The following ADGRL4 variants were observed in gnomAD, a reference collection of about 807,000 sequenced individuals.
ADGRL4 encodes the protein adhesion G protein-coupled receptor L4, also known as EGF, latrophilin and seven transmembrane domain containing 1.
Under a neutral mutation model 74.8 loss-of-function variants are expected in ADGRL4, and 90 were observed. That is an observed-to-expected ratio of 1.20 (90% CI 1.02 to 1.43). ADGRL4 has a LOEUF of 1.43. ADGRL4 is among the 40% of genes most tolerant of loss of function. ADGRL4 has a pLI of 0.00. For missense variants in ADGRL4, 881 were observed against 814.3 expected, an observed-to-expected ratio of 1.08 and a Z score of -1.00; for synonymous variants, 311 against 279.2, an observed-to-expected ratio of 1.11 and a Z score of -1.14.
intron 2 of ADGRL4, among the ~76,000 whole-genome samples, chr1:78,974,021 G>A (rs993786197): frequency 3.3e-5 from 5 of 152,038 alleles, no homozygotes; most frequent in Admixed American, 2.6e-4. Context: ...CACTGCATGT[G>A]TGCAAGAGCA....
intron 12 of ADGRL4, among the ~76,000 whole-genome samples, chr1:78,916,538 G>T (rs1292093502): frequency 6.6e-6 from 1 of 151,808 alleles, no homozygotes; most frequent in Admixed American, 6.6e-5. Flanking sequence ...ATAAAATATT[G>T]TTTGATTTAT....
At chr1:78,965,867 G>A (rs1024877941) in intron 2 of ADGRL4, among the ~76,000 whole-genome samples, 6 of 152,042 alleles carry the variant, frequency 3.9e-5, no homozygotes, top group Admixed American at 3.3e-4. Flanking sequence ...TCTGACAGCT[G>A]AGCTGACACT....
intron 3 of ADGRL4, among the ~76,000 whole-genome samples, chr1:78,940,565 A>G (rs1256156477): frequency 6.6e-6 from 1 of 152,170 alleles, no homozygotes; most frequent in African/African-American, 2.4e-5. Context: ...AAAAGATTCT[A>G]AGGAACTGAG....
At chr1:78,996,906 A>G (rs544830544) in intron 2 of ADGRL4, among the ~76,000 whole-genome samples, 1 of 152,304 alleles carries the variant, frequency 6.6e-6, no homozygotes, top group Admixed American at 6.5e-5. Flanking sequence ...TAAACACACA[A>G]CACAGGGAAG....
intron 7 of ADGRL4, among the ~76,000 whole-genome samples, chr1:78,935,217 T>C (rs1570239740): frequency 6.6e-6 from 1 of 152,180 alleles, no homozygotes; most frequent in Admixed American, 6.5e-5. Context: ...TGAAAAACTA[T>C]GCAGCCATAA....
At chr1:78,947,482 C>G (rs756895682) in intron 2 of ADGRL4, among the ~76,000 whole-genome samples, 1 of 152,122 alleles carries the variant, frequency 6.6e-6, no homozygotes. Context: ...CTTCCCTAGA[C>G]GTTTTCACGT....
intron 2 of ADGRL4, among the ~76,000 whole-genome samples, chr1:78,996,526 T>C (rs945395314): frequency 2.0e-5 from 3 of 152,182 alleles, no homozygotes; most frequent in Non-Finnish European, 2.9e-5. Context: ...TGGTCTTCTG[T>C]GGTTTCTTTT....
intron 2 of ADGRL4, among the ~76,000 whole-genome samples, chr1:78,969,083 T>C (rs1650116771): frequency 6.6e-6 from 1 of 152,212 alleles, no homozygotes; most frequent in Admixed American, 6.5e-5. Context: ...GGGATTTATT[T>C]TGAACTATTT....
At chr1:78,957,896 AT>A in intron 2 of ADGRL4, among the ~76,000 whole-genome samples, 1 of 152,186 alleles carries the variant, frequency 6.6e-6, no homozygotes, top group African/African-American at 2.4e-5. Context: ...GCACAGGCTG[AT>A]GCTCTTGTTA....
At chr1:79,002,110 C>T (rs1233252830) in intron 2 of ADGRL4, among the ~76,000 whole-genome samples, 5 of 151,980 alleles carry the variant, frequency 3.3e-5, no homozygotes, top group Admixed American at 3.3e-4. Flanking sequence ...TTCCACTTAA[C>T]GTTAATTCCG....
intron 2 of ADGRL4, among the ~76,000 whole-genome samples, chr1:78,998,997 A>G (rs1203738889): frequency 1.3e-5 from 2 of 152,308 alleles, no homozygotes; most frequent in South Asian, 2.1e-4. Context: ...ACATCAATAT[A>G]TAATTTTTTT....
At chr1:78,977,921 C>G (rs1650320499) in intron 2 of ADGRL4, among the ~76,000 whole-genome samples, 2 of 151,778 alleles carry the variant, frequency 1.3e-5, no homozygotes, top group South Asian at 2.1e-4. Flanking sequence ...GCCAGTAGAC[C>G]AGAAAAGACA....
chr1:78,946,312 T>G lies in ADGRL4; in HGVS notation c.287A>C (p.Gln96Pro). 2 of 1,613,202 alleles carry G rather than the reference T, an allele frequency of 1.2e-6. No homozygotes were observed. The highest frequency in any genetic ancestry group is 2.2e-5 in the South Asian group (2 of 90,958). Reference protein sequence around the residue: ...CVPGFRSSSNQDRFITNDGTV... With the variant: ...CVPGFRSSSNPDRFITNDGTV... ...TCCATCATTAGTGATAAACCTGTCT[T>G]GGTTACTGCTGGATCTGAAGCCAGG... Residue 96 changes from glutamine to proline, a missense_variant, in exon 3 of 15, where the codon CAA (glutamine) becomes CCA (proline). Gln to Pro is a moderately conservative substitution (Grantham distance 76). Transcript: ENST00000370742.
chr1:78,938,291 T>C lies in ADGRL4; in HGVS notation c.397-12A>G. The stretch of plus-strand genomic sequence containing the variant: ...TTTATGGATCTGATCTGAGAAAAAA[T>C]GAGTCCAGAAAAAGGAAACTAAATT... On this transcript the variant is annotated splice_polypyrimidine_tract_variant and intron_variant, in intron 4 of 14. Transcript: ENST00000370742. 2.6e-6 allele frequency: 4 copies of C among 1,550,302 alleles called. No homozygotes were observed. Among genetic ancestry groups the C allele is most frequent in the Non-Finnish European group, 3.5e-6 (4 of 1,156,556 alleles).
chr1:78,910,650 G>C (rs1030097504), intron 12 of ADGRL4, among the ~76,000 whole-genome samples: 1 of 151,726 alleles, frequency 6.6e-6, no homozygotes, highest in Non-Finnish European at 1.5e-5. Context: ...CATAGTTTTA[G>C]TTTAAAGAAT....
intron 10 of ADGRL4, among the ~76,000 whole-genome samples, chr1:78,919,514 C>A (rs991578239): frequency 4.6e-5 from 7 of 152,034 alleles, no homozygotes; most frequent in African/African-American, 1.4e-4. Flanking sequence ...CTTAGAACTG[C>A]ATTACTGTGT....
intron 2 of ADGRL4, among the ~76,000 whole-genome samples, chr1:78,981,155 T>A (rs776188790): frequency 2.0e-5 from 3 of 151,394 alleles, no homozygotes; most frequent in Non-Finnish European, 4.4e-5. Context: ...CCCTCAACAA[T>A]CCCTTTCCCC....
chr1:78,970,480 C>T (rs1191258289), intron 2 of ADGRL4, among the ~76,000 whole-genome samples: 3 of 152,180 alleles, frequency 2.0e-5, no homozygotes, highest in Non-Finnish European at 4.4e-5. Flanking sequence ...TAGCCCCTCC[C>T]TGTGTCATGG....
chr1:78,909,659 G>C (rs1048770838), intron 12 of ADGRL4, among the ~76,000 whole-genome samples: 1 of 151,756 alleles, frequency 6.6e-6, no homozygotes, highest in African/African-American at 2.4e-5. Flanking sequence ...ATAATATCTA[G>C]CATTGGCAGA....
Sources: allele counts gnomAD v4.1 joint callset (sites outside exome capture counted in the v4.1 genomes callset), GRCh38; gene constraint gnomAD v4.1.1; transcripts MANE v1.5; gene names NCBI Gene and HGNC (gene_info 2026-07-23, HGNC 2026-07-21).